Variants in NELL2 observed in about 807,000 individuals in gnomAD.
NELL2 encodes neural EGFL like 2, also known as protein kinase C-binding protein NELL2.
Under a neutral mutation model 109.6 loss-of-function variants are expected in NELL2, and 41 were observed. The observed-to-expected ratio is 0.37, with a 90% CI of 0.29 to 0.49. The LOEUF is 0.49. Ranked by LOEUF, NELL2 falls within the 20% of genes least tolerant of loss-of-function variation. The pLI is 0.98. For missense variants in NELL2, 900 were observed against 1,008.3 expected, an observed-to-expected ratio of 0.89 and a Z score of 1.45; for synonymous variants, 355 against 344.7, an observed-to-expected ratio of 1.03 and a Z score of -0.33.
chr12:44,823,121 T>C (rs1943597411), intron 2 of NELL2, among the ~76,000 whole-genome samples: 1 of 152,188 alleles, frequency 6.6e-6, no homozygotes, highest in African/African-American at 2.4e-5. Context: ...CTTAATGGGA[T>C]ATAATTGACA....
At chr12:44,875,140 C>T (rs1945275925) in intron 2 of NELL2, 85 bp downstream of exon 2, 3 of 1,522,242 alleles carry the variant, frequency 2.0e-6, no homozygotes, top group Non-Finnish European at 1.8e-6. Context: ...TGAGGCAATA[C>T]AAAGTTAGGA....
chr12:44,803,381 A>G (rs565578678), intron 3 of NELL2, among the ~76,000 whole-genome samples: 2 of 152,132 alleles, frequency 1.3e-5, no homozygotes, highest in South Asian at 2.1e-4. Context: ...TCTTAACTGG[A>G]AGGTTATATG....
At chr12:44,743,503 T>C (rs1450812774) in intron 9 of NELL2, among the ~76,000 whole-genome samples, 1 of 54,430 alleles carries the variant, frequency 1.8e-5, no homozygotes, top group Non-Finnish European at 3.7e-5. Flanking sequence ...AGACACAGAC[T>C]AGCAAATTGG....
At chr12:44,750,993 C>G (rs957949762) in intron 9 of NELL2, among the ~76,000 whole-genome samples, 27 of 152,232 alleles carry the variant, frequency 1.8e-4, no homozygotes, top group African/African-American at 6.0e-4. Flanking sequence ...GATTTAGCAA[C>G]AGCCTTTCAG....
intron 12 of NELL2, among the ~76,000 whole-genome samples, chr12:44,694,028 C>T (rs529019988): frequency 3.9e-5 from 6 of 152,138 alleles, no homozygotes; most frequent in African/African-American, 7.2e-5. Flanking sequence ...AATACTTTTG[C>T]TCTTCTCTCT....
chr12:44,791,123 A>ATATTTATATG (rs1566404490), intron 3 of NELL2, among the ~76,000 whole-genome samples: 18 of 96,352 alleles, frequency 1.9e-4, no homozygotes, highest in African/African-American at 7.7e-4. Context: ...ATATATATGT[A>ATATTTATATG]TATATATATA....
At chr12:44,620,942 A>G (rs915414161) in intron 13 of NELL2, among the ~76,000 whole-genome samples, 2 of 151,876 alleles carry the variant, frequency 1.3e-5, no homozygotes, top group Admixed American at 1.3e-4. Flanking sequence ...AATCCTCCCC[A>G]TTCTCTCTTC....
At chr12:44,539,792 T>C (rs1942466661) in intron 15 of NELL2, among the ~76,000 whole-genome samples, 1 of 152,228 alleles carries the variant, frequency 6.6e-6, no homozygotes, top group Non-Finnish European at 1.5e-5. Context: ...TTTTACACCA[T>C]ATCTCTAACA....
intron 13 of NELL2, among the ~76,000 whole-genome samples, chr12:44,644,610 A>ATATATATATATG (rs1947009898): frequency 4.7e-5 from 4 of 84,528 alleles, no homozygotes; most frequent in Non-Finnish European, 9.4e-5. Flanking sequence ...ATATGTATGT[A>ATATATATATATG]TATATATATA....
chr12:44,915,537 G>C (rs1945822397), upstream of NELL2, among the ~76,000 whole-genome samples: 1 of 152,072 alleles, frequency 6.6e-6, no homozygotes, highest in Non-Finnish European at 1.5e-5. Flanking sequence ...TTCCCCTCTC[G>C]AGTCTTCATC....
chr12:44,918,898 A>G (rs551020431), upstream of NELL2, among the ~76,000 whole-genome samples: 1 of 152,240 alleles, frequency 6.6e-6, no homozygotes, highest in Non-Finnish European at 1.5e-5. Flanking sequence ...TGTAGAGGCT[A>G]ACACTGCATA....
chr12:44,672,843 G>C (rs1948184473), intron 12 of NELL2, among the ~76,000 whole-genome samples: 2 of 152,176 alleles, frequency 1.3e-5, no homozygotes, highest in South Asian at 4.1e-4. Context: ...ACATCCCAGA[G>C]GCTTAGGAGA....
rs117564710 is a variant in NELL2 at position 44,607,996 on chromosome 12, G to A, written c.1568-732C>T. On this transcript the variant is annotated intron_variant, in intron 14 of 19. Transcript: ENST00000429094. Reference sequence around the variant, plus strand: ...CGATCTCTTGAAATGTGCTGTCTTCGAAGAAGTGCATAAAAGAAGGAGAGA... The same window carrying A: ...CGATCTCTTGAAATGTGCTGTCTTCAAAGAAGTGCATAAAAGAAGGAGAGA... 7.4e-4 allele frequency among the ~76,000 whole-genome samples: 112 copies of A among 152,136 alleles called. No homozygotes were observed. In the East Asian group the frequency reaches 0.016, roughly 22 times the overall value.
chr12:44,757,583 A>G (rs1406233254), intron 9 of NELL2, among the ~76,000 whole-genome samples: 1 of 152,144 alleles, frequency 6.6e-6, no homozygotes. Flanking sequence ...TTTCTTTTTA[A>G]TGATGATAAC....
chr12:44,814,141 C>T (rs1348172423), intron 3 of NELL2, among the ~76,000 whole-genome samples: 1 of 152,034 alleles, frequency 6.6e-6, no homozygotes. Flanking sequence ...CCTGACAAGC[C>T]TCAGGAGGAG....
At chr12:44,520,251 A>C (rs1340676431) in intron 18 of NELL2, 22 bp from the exon 19 acceptor site, 2 of 1,589,422 alleles carry the variant, frequency 1.3e-6, no homozygotes. Flanking sequence ...GCAGATGTGC[A>C]AGGGCAGAGG....
chr12:44,798,206 T>C (rs1003861369), intron 3 of NELL2, among the ~76,000 whole-genome samples: 1 of 151,622 alleles, frequency 6.6e-6, no homozygotes, highest in Non-Finnish European at 1.5e-5. Flanking sequence ...TGTGATTTCA[T>C]AGAAAATCAT....
rs189920807 is a variant in NELL2, at chr12:44,681,406, T to C, written c.1319-15797A>G. Among the ~76,000 whole-genome samples the C allele has an allele frequency of 2.8e-3, 417 of 150,058 alleles. 1 individual carries two copies. The highest frequency in any genetic ancestry group is 9.7e-3 in the African/African-American group (399 of 41,272). ...CTTTTTTATTTATTTTTATTTATTT[T>C]ATTTTATTTTATTTATTATTATTAT... On this transcript the variant is annotated intron_variant, in intron 12 of 19. Transcript: ENST00000429094.
At chr12:44,546,300 C>T (rs1942789690) in intron 15 of NELL2, among the ~76,000 whole-genome samples, 1 of 151,404 alleles carries the variant, frequency 6.6e-6, no homozygotes, top group Admixed American at 6.6e-5. Flanking sequence ...GGGTCTTAAC[C>T]AGAAAATTCA....
Sources: allele counts gnomAD v4.1 joint callset (sites outside exome capture counted in the v4.1 genomes callset), GRCh38; gene constraint gnomAD v4.1.1; transcripts MANE v1.5; gene names NCBI Gene and HGNC (gene_info 2026-07-23, HGNC 2026-07-21).